The following RBM33 variants were observed in gnomAD, a reference collection of about 807,000 sequenced individuals.
RBM33 encodes the protein RNA binding motif protein 33, also known as RNA-binding protein 33.
Under a neutral mutation model 132.6 loss-of-function variants are expected in RBM33, and 28 were observed. The ratio of observed to expected loss-of-function variants is 0.21; its 90% confidence interval spans 0.16 to 0.29. The LOEUF is 0.29. Ranked by LOEUF, RBM33 falls within the 10% of genes least tolerant of loss-of-function variation. The probability of loss-of-function intolerance (pLI) is 1.00; values close to 1 mark genes in which losing one functional copy is unlikely to be tolerated. For missense variants in RBM33, 1,291 were observed against 1,518.5 expected (o/e 0.85, Z 2.49); for synonymous variants, 634 against 593.0 (o/e 1.07, Z -1.01).
rs1273404438 is a variant in RBM33, at chr7:155,700,855, G to A, written c.650G>A (p.Arg217Gln). ...EEEEDDEESG[R>Q]LRFKTERKEG... ...GAAGAAGATGATGAAGAATCTGGACGATTACGTTTCAAAACTGAAAGGAAA... is the reference window on the plus strand; with the variant it reads ...GAAGAAGATGATGAAGAATCTGGACAATTACGTTTCAAAACTGAAAGGAAA... Residue 217 changes from arginine (R) to glutamine (Q), a missense_variant, in exon 6 of 18, where the codon CGA becomes CAA. By Grantham distance (43) the Arg-to-Gln change is conservative (BLOSUM62 1). Transcript: ENST00000401878. 6.2e-7 allele frequency: 1 copy of A among 1,609,784 alleles called. No individual in the cohort carries two copies.
intron 1 of RBM33, among the ~76,000 whole-genome samples, chr7:155,661,097 G>GTGTGT (rs1214054155): frequency 1.5e-4 from 16 of 110,162 alleles, no homozygotes; most frequent in African/African-American, 5.5e-4. Flanking sequence ...GTGTGTGTGT[G>GTGTGT]GTGTGTGTGT....
intron 14 of RBM33, among the ~76,000 whole-genome samples, chr7:155,760,530 A>G (rs1169623785): frequency 6.6e-6 from 1 of 152,222 alleles, no homozygotes; most frequent in Non-Finnish European, 1.5e-5. Flanking sequence ...GAATGTTTTC[A>G]GTGGCAGTAC....
rs546568032 is a variant in RBM33 at position 155,711,383 on chromosome 7, G to A, written c.1129G>A (p.Val377Met). 184 of 1,581,398 alleles carry A rather than the reference G, an allele frequency of 1.2e-4. 1 individual carries two copies. The highest frequency in any genetic ancestry group is 9.6e-5 in the African/African-American group (7 of 73,260). Residue 377 changes from valine to methionine, a missense_variant, in exon 8 of 18, where the codon GTG (valine) becomes ATG (methionine). Around this residue, in one of 7 missense-constraint regions of RBM33, gnomAD observed 146 missense variants for 137.1 expected, o/e 1.07. Transcript: ENST00000401878. ...TPRMMMTPPP[V>M]TPQQPKNIHI... ...AAGGATGATGATGACCCCGCCACCC[G>A]TGACTCCACAGCAGCCCAAGAACAT...
chr7:155,709,595 T>A lies in RBM33; in HGVS notation c.949-1608T>A, dbSNP rs564531650. ...TGTCACTTGTTTAATCAAACAAACA[T>A]GATCTTTCCCTCAGAACTCTGTGGT... On this transcript the variant is annotated intron_variant, in intron 7 of 17. Coordinates refer to ENST00000401878, the MANE Select transcript of RBM33 (RefSeq NM_053043.3). 9.2e-5 allele frequency among the ~76,000 whole-genome samples: 14 copies of A among 152,322 alleles called. No homozygotes were observed. The South Asian group carries it at 2.9e-3, about 32-fold the overall frequency.
At chr7:155,684,164 G>A (rs1799408939) in intron 5 of RBM33, among the ~76,000 whole-genome samples, 1 of 152,164 alleles carries the variant, frequency 6.6e-6, no homozygotes, top group Non-Finnish European at 1.5e-5. Context: ...AGACTGTCAT[G>A]TACCATACAG....
intron 14 of RBM33, among the ~76,000 whole-genome samples, chr7:155,754,757 C>T (rs1440094947): frequency 3.9e-5 from 6 of 152,190 alleles, no homozygotes; most frequent in African/African-American, 1.2e-4. Flanking sequence ...CTCACCATAC[C>T]GTACTAGAAA....
chr7:155,750,667 C>T (rs1385157619), intron 14 of RBM33, among the ~76,000 whole-genome samples: 1 of 151,622 alleles, frequency 6.6e-6, no homozygotes, highest in Non-Finnish European at 1.5e-5. Context: ...TGGTACAGTG[C>T]TTGAGTATGT....
chr7:155,728,452 G>A (rs762889172), intron 9 of RBM33, among the ~76,000 whole-genome samples: 18 of 152,062 alleles, frequency 1.2e-4, no homozygotes, highest in Admixed American at 4.6e-4. Context: ...TTCTTTCTCC[G>A]TTCTTACTCT....
intron 9 of RBM33, among the ~76,000 whole-genome samples, chr7:155,723,231 G>C (rs1800678336): frequency 6.6e-6 from 1 of 152,218 alleles, no homozygotes; most frequent in African/African-American, 2.4e-5. Context: ...AGCCCTTGCA[G>C]ATGAGAATCC....
chr7:155,746,553 TA>T (rs1801522507), intron 14 of RBM33: 1 of 152,224 alleles, frequency 6.6e-6, no homozygotes, highest in South Asian at 2.1e-4. Flanking sequence ...TTCAGTACTC[TA>T]AAATAAAACC....
chr7:155,646,570 G>A (rs550937395), intron 1 of RBM33, among the ~76,000 whole-genome samples: 1 of 152,166 alleles, frequency 6.6e-6, no homozygotes, highest in South Asian at 2.1e-4. Flanking sequence ...GAAGTTCATC[G>A]CATGGACTGC....
chr7:155,675,262 C>G (rs1183995335), intron 3 of RBM33, among the ~76,000 whole-genome samples: 6 of 141,266 alleles, frequency 4.2e-5, no homozygotes, highest in Non-Finnish European at 7.4e-5. Flanking sequence ...CCACTGTACT[C>G]TAGCCTGGGA....
intron 9 of RBM33, among the ~76,000 whole-genome samples, chr7:155,720,738 C>T (rs1313354251): frequency 3.9e-5 from 6 of 152,126 alleles, no homozygotes; most frequent in East Asian, 1.9e-4. Flanking sequence ...TTAGCAAAGC[C>T]GTCTGGAGAT....
At chr7:155,703,551 C>T (rs770483772) in intron 6 of RBM33, among the ~76,000 whole-genome samples, 1 of 152,188 alleles carries the variant, frequency 6.6e-6, no homozygotes, top group African/African-American at 2.4e-5. Context: ...CTTAAGAAAG[C>T]TTGGTGCTTG....
At position 155,779,529 on chromosome 7, in the gene RBM33, T is replaced by G. The variant is rs1802741207; in HGVS notation, c.*4488T>G. ...TCTCCAAAGGCATTTAGCCTTGACT[T>G]AATATTAAATCCTAAGGATTTTATG... is the stretch of plus-strand genomic sequence containing the variant. On this transcript the variant is annotated 3_prime_UTR_variant, in exon 18 of 18. Coordinates refer to ENST00000401878, the MANE Select transcript of RBM33 (RefSeq NM_053043.3). 2 of 152,246 alleles carry G rather than the reference T, an allele frequency of 1.3e-5. No individual in the cohort carries two copies. Among genetic ancestry groups the G allele is most frequent in the African/African-American group, 4.8e-5 (2 of 41,454 alleles). The allele number at this position is 152,246 out of a possible 1,614,324, so 9.4% of individuals were successfully genotyped here.
Position 155,764,027 on chromosome 7 carries a change from T to C in RBM33, c.3186+9T>C, listed in dbSNP as rs1279248398. ...TTCACCCGGCGAAGAAGGTACTGCT[T>C]GTTGCCTCGCACGCAGCCCTGGAAA... On this transcript the variant is annotated intron_variant, in intron 15 of 17. Transcript: ENST00000401878. 6.6e-7 allele frequency: 1 copy of C among 1,513,898 alleles called. No homozygotes were observed. The allele number at this position is 1,513,898 out of a possible 1,614,324, so 93.8% of individuals were successfully genotyped here. A position where few individuals can be genotyped will look rare whatever the true frequency, so the allele number is the denominator to read the frequency against.
chr7:155,712,114 C>CTG lies in RBM33; in HGVS notation c.1201+662_1201+663dup, dbSNP rs537579003. ...AGAGACCGCTATTGGAATGCCTGAACTGTGACACTTTGTAAGTCTCCCGGT... is the reference window on the plus strand; with the variant it reads ...AGAGACCGCTATTGGAATGCCTGAACTGTGTGACACTTTGTAAGTCTCCCGGT... On this transcript the variant is annotated intron_variant, in intron 8 of 17. Transcript: ENST00000401878. Among the ~76,000 whole-genome samples, 145 of 152,366 alleles carry CTG rather than the reference C, an allele frequency of 9.5e-4. 1 individual carries two copies. The highest frequency in any genetic ancestry group is 3.1e-3 in the African/African-American group (130 of 41,592).
intron 14 of RBM33, among the ~76,000 whole-genome samples, chr7:155,749,316 G>C (rs1165518978): frequency 1.3e-5 from 2 of 152,106 alleles, no homozygotes; most frequent in Non-Finnish European, 2.9e-5. Flanking sequence ...TATTTATTGA[G>C]TGTTTAGCAT....
At position 155,778,453 on chromosome 7, in the gene RBM33, A is replaced by T. The variant is rs1041411651; in HGVS notation, c.*3412A>T. 1 of 152,162 alleles carries T rather than the reference A, an allele frequency of 6.6e-6. No homozygotes were observed. Among genetic ancestry groups the T allele is most frequent in the South Asian group, 2.1e-4 (1 of 4,828 alleles). The allele number at this position is 152,162 out of a possible 1,614,324, so 9.4% of individuals were successfully genotyped here. A position where few individuals can be genotyped will look rare whatever the true frequency, so the allele number is the denominator to read the frequency against. On this transcript the variant is annotated 3_prime_UTR_variant, in exon 18 of 18. Transcript: ENST00000401878. This position sits in a 1 kb window ranked among gnomAD's most constrained non-coding sequence, Gnocchi z 4.0. The stretch of plus-strand genomic sequence containing the variant: ...GACCCAGGTGAGGAGAGGCCTGGGG[A>T]TTGGGGAAGCTGTCATCTCAGTGTT...
Sources: allele counts gnomAD v4.1 joint callset (sites outside exome capture counted in the v4.1 genomes callset), GRCh38; gene constraint gnomAD v4.1.1; regional missense constraint gnomAD v4.1.1; non-coding constraint Gnocchi (gnomAD v3.1); transcripts MANE v1.5; gene names NCBI Gene and HGNC (gene_info 2026-07-23, HGNC 2026-07-21).